TRAPPC9: variants seen among roughly 807,000 people sequenced by gnomAD.
TRAPPC9 encodes IKK2 binding protein.
TRAPPC9 carries 83 observed loss-of-function variants against 124.0 expected under a neutral mutation model. That is an observed-to-expected ratio of 0.67 (90% confidence interval 0.56 to 0.80). The LOEUF is 0.80. Ranked by LOEUF, TRAPPC9 falls within the 30% of genes least tolerant of loss-of-function variation. The pLI, the probability that TRAPPC9 is intolerant of heterozygous loss-of-function variation, is 0.00. For synonymous variants in TRAPPC9, 638 were observed against 617.5 expected (o/e 1.03, Z -0.49); for missense variants, 1,302 against 1,508.3 (o/e 0.86, Z 2.27).
chr8:140,439,414 G>A (rs149598526), intron 2 of TRAPPC9, among the ~76,000 whole-genome samples: 100 of 152,208 alleles, frequency 6.6e-4, no homozygotes, highest in African/African-American at 2.2e-3. Context: ...AAAGGTGATC[G>A]GTACGTAAGG....
intron 21 of TRAPPC9, among the ~76,000 whole-genome samples, chr8:139,803,854 A>C (rs75306767): frequency 6.6e-6 from 1 of 152,202 alleles, no homozygotes; most frequent in African/African-American, 2.4e-5. Context: ...TGGGATTTTT[A>C]TTTCAGTCAC....
intron 17 of TRAPPC9, among the ~76,000 whole-genome samples, chr8:140,036,167 G>C (rs886785899): frequency 2.0e-5 from 3 of 151,974 alleles, no homozygotes; most frequent in Admixed American, 6.6e-5. Context: ...TGCTCCCAAC[G>C]GGCTGGGAAG....
At chr8:140,207,152 ACTC>A (rs905020965) in intron 17 of TRAPPC9, among the ~76,000 whole-genome samples, 1 of 152,034 alleles carries the variant, frequency 6.6e-6, no homozygotes, top group Non-Finnish European at 1.5e-5. Context: ...CACCATAAGA[ACTC>A]CTGTTGACAT....
At chr8:140,394,108 T>A (rs1281108367) in intron 7 of TRAPPC9, among the ~76,000 whole-genome samples, 6 of 152,252 alleles carry the variant, frequency 3.9e-5, no homozygotes, top group Admixed American at 2.6e-4. Context: ...TTTTATTTTA[T>A]GAAATGTGTG....
intron 21 of TRAPPC9, among the ~76,000 whole-genome samples, chr8:139,880,312 G>A (rs1275729936): frequency 4.6e-5 from 7 of 152,182 alleles, no homozygotes; most frequent in Non-Finnish European, 8.8e-5. Context: ...GAATGCAGTA[G>A]GAGTGGAAAT....
intron 17 of TRAPPC9, among the ~76,000 whole-genome samples, chr8:140,170,906 G>A (rs1022032808): frequency 1.3e-5 from 2 of 152,188 alleles, no homozygotes; most frequent in African/African-American, 4.8e-5. Context: ...CAGGTGACTG[G>A]GTCGTGAAGA....
chr8:140,105,286 G>A (rs912090415), intron 17 of TRAPPC9, among the ~76,000 whole-genome samples: 4 of 152,212 alleles, frequency 2.6e-5, no homozygotes, highest in African/African-American at 4.8e-5. Context: ...ATGGCAAATT[G>A]ATGGATGAAT....
intron 17 of TRAPPC9, among the ~76,000 whole-genome samples, chr8:140,065,879 G>A (rs1296126132): frequency 1.3e-5 from 2 of 152,202 alleles, no homozygotes; most frequent in Non-Finnish European, 2.9e-5. Flanking sequence ...TGGGAATTTT[G>A]CAAACATTGA....
intron 19 of TRAPPC9, among the ~76,000 whole-genome samples, chr8:139,956,534 C>T (rs1256052680): frequency 6.6e-6 from 1 of 152,224 alleles, no homozygotes; most frequent in Non-Finnish European, 1.5e-5. Flanking sequence ...TGGGCCTACG[C>T]CTGACCTATT....
At chr8:140,140,820 T>C (rs966507127) in intron 17 of TRAPPC9, among the ~76,000 whole-genome samples, 2 of 152,070 alleles carry the variant, frequency 1.3e-5, no homozygotes, top group Admixed American at 1.3e-4. Context: ...AGGCTCAACT[T>C]CCACTAGATC....
chr8:140,318,874 G>T (rs1018270029), intron 9 of TRAPPC9, among the ~76,000 whole-genome samples: 1 of 152,210 alleles, frequency 6.6e-6, no homozygotes, highest in Non-Finnish European at 1.5e-5. Context: ...ATCAAGAGTT[G>T]ACCGAGTCTT....
At chr8:140,074,512 T>A (rs571821898) in intron 17 of TRAPPC9, among the ~76,000 whole-genome samples, 1 of 152,178 alleles carries the variant, frequency 6.6e-6, no homozygotes, top group African/African-American at 2.4e-5. Context: ...AGGAAGGAGA[T>A]GCACAGAAGA....
chr8:140,446,226 G>A (rs2071248613), intron 2 of TRAPPC9, among the ~76,000 whole-genome samples: 1 of 143,468 alleles, frequency 7.0e-6, no homozygotes, highest in African/African-American at 2.5e-5. Context: ...CCCAGGAGGT[G>A]GAGTTTGCAG....
At chr8:139,990,882 C>T (rs568481218) in intron 18 of TRAPPC9, among the ~76,000 whole-genome samples, 6 of 152,222 alleles carry the variant, frequency 3.9e-5, no homozygotes, top group African/African-American at 9.6e-5. Flanking sequence ...CCACGGCACC[C>T]GGCCACATGT....
rs915959812 is a variant in TRAPPC9, at chr8:140,104,988, C to T, written c.2557-80909G>A. Among the ~76,000 whole-genome samples, 4 of 152,162 alleles carry T rather than the reference C, an allele frequency of 2.6e-5. No homozygotes were observed. The highest frequency in any genetic ancestry group is 6.8e-3 in the Middle Eastern group (2 of 294). ...TCCCACTCAGCAGCAGCCCTGACTG[C>T]GTGGCTCCTGGGACAGCCCAAACGT... On this transcript the variant is annotated intron_variant, in intron 17 of 22. Coordinates refer to ENST00000438773, the MANE Select transcript of TRAPPC9 (RefSeq NM_001160372.4). This position sits in a 1 kb window ranked among gnomAD's most constrained non-coding sequence, Gnocchi z 4.0.
intron 21 of TRAPPC9, among the ~76,000 whole-genome samples, chr8:139,761,949 G>C: frequency 6.6e-6 from 1 of 151,736 alleles, no homozygotes; most frequent in East Asian, 2.0e-4. Context: ...ATTCTTGACA[G>C]AGAGAAACAG....
chr8:140,446,701 C>A (rs1230162852), intron 2 of TRAPPC9, among the ~76,000 whole-genome samples: 1 of 152,156 alleles, frequency 6.6e-6, no homozygotes, highest in Non-Finnish European at 1.5e-5. Context: ...ACTACAGGCA[C>A]ATGACACCAC....
intron 17 of TRAPPC9, among the ~76,000 whole-genome samples, chr8:140,033,670 T>TGTTTTTTG (rs1563706715): frequency 1.3e-5 from 1 of 78,232 alleles, no homozygotes; most frequent in Non-Finnish European, 2.3e-5. Flanking sequence ...TTTTTTTTTT[T>TGTTTTTTG]TTTTTTTTTT....
At position 140,451,353 on chromosome 8, in the gene TRAPPC9, C is replaced by A; in HGVS notation, c.21G>T (p.Met7Ile). The A allele has an allele frequency of 6.2e-7, 1 of 1,604,580 alleles. No homozygotes were observed. Among genetic ancestry groups the A allele is most frequent in the Non-Finnish European group, 8.5e-7 (1 of 1,179,978 alleles). The change falls in exon 2 of 23, where the codon ATG (methionine) becomes ATT (isoleucine). Residue 7 changes from methionine to isoleucine, a missense_variant. Physicochemically the swap from Met to Ile is conservative, Grantham distance 10 (BLOSUM62 1). Coordinates refer to ENST00000438773, the MANE Select transcript of TRAPPC9 (RefSeq NM_001160372.4). The part of the protein sequence containing the change: MSVPDY[M>I]QCAEDHQTLL... ...GCGTCTGGTGGTCCTCAGCACACTG[C>A]ATGTAGTCAGGGACGCTCATTTTGA...
Sources: allele counts gnomAD v4.1 joint callset (sites outside exome capture counted in the v4.1 genomes callset), GRCh38; gene constraint gnomAD v4.1.1; non-coding constraint Gnocchi (gnomAD v3.1); transcripts MANE v1.5; gene names NCBI Gene and HGNC (gene_info 2026-07-23, HGNC 2026-07-21).